DNM3: variants seen among roughly 807,000 people sequenced by gnomAD.
The protein encoded by DNM3 is dynamin 3.
Under a neutral mutation model 101.6 loss-of-function variants are expected in DNM3, and 47 were observed. The ratio of observed to expected loss-of-function variants is 0.46; its 90% CI spans 0.37 to 0.59. The LOEUF (loss-of-function observed/expected upper bound fraction) is 0.59, where lower values mean the gene tolerates loss of function less well. Ranked by LOEUF, DNM3 falls within the 20% of genes least tolerant of loss-of-function variation. The probability of loss-of-function intolerance (pLI) is 0.00; values close to 1 mark genes in which losing one functional copy is unlikely to be tolerated. For synonymous variants in DNM3, 385 were observed against 387.9 expected, an observed-to-expected ratio of 0.99 and a Z score of 0.09; for missense variants, 849 against 1,085.7, an observed-to-expected ratio of 0.78 and a Z score of 3.06.
chr1:172,230,144 G>A (rs2061279419), intron 14 of DNM3, among the ~76,000 whole-genome samples: 1 of 151,236 alleles, frequency 6.6e-6, no homozygotes, highest in Admixed American at 6.6e-5. Flanking sequence ...CCTATATTCT[G>A]AGAATTCTGT....
chr1:172,303,190 A>G (rs1039077798), intron 15 of DNM3, among the ~76,000 whole-genome samples: 1 of 152,140 alleles, frequency 6.6e-6, no homozygotes, highest in African/African-American at 2.4e-5. Flanking sequence ...ACCTTAAATG[A>G]CCTGATGGAG....
intron 13 of DNM3, among the ~76,000 whole-genome samples, chr1:172,097,015 A>C (rs540467069): frequency 1.9e-4 from 29 of 152,268 alleles, no homozygotes; most frequent in African/African-American, 6.5e-4. Context: ...CAGGGGGTTA[A>C]GTCATCCTCC....
At chr1:172,323,584 T>C (rs1573470128) in intron 17 of DNM3, among the ~76,000 whole-genome samples, 1 of 152,002 alleles carries the variant, frequency 6.6e-6, no homozygotes, top group Admixed American at 6.6e-5. Flanking sequence ...TTCAGAGAGG[T>C]TGACATTATA....
chr1:171,865,933 T>C (rs1053989072), intron 1 of DNM3, among the ~76,000 whole-genome samples: 2 of 152,210 alleles, frequency 1.3e-5, no homozygotes, highest in African/African-American at 2.4e-5. Flanking sequence ...CTTTTACTAA[T>C]AGATTCAGCA....
intron 17 of DNM3, among the ~76,000 whole-genome samples, chr1:172,377,094 T>C (rs1278056513): frequency 6.6e-6 from 1 of 152,070 alleles, no homozygotes; most frequent in East Asian, 1.9e-4. Context: ...TATTTATTTT[T>C]TATAACTATC....
chr1:171,916,258 G>A (rs2039702010), intron 1 of DNM3, among the ~76,000 whole-genome samples: 1 of 152,100 alleles, frequency 6.6e-6, no homozygotes, highest in Non-Finnish European at 1.5e-5. Flanking sequence ...TTGTGCCTCT[G>A]TTTTCTCATC....
intron 11 of DNM3, among the ~76,000 whole-genome samples, chr1:172,069,934 AG>A (rs776041245): frequency 1.3e-5 from 2 of 152,190 alleles, no homozygotes; most frequent in Non-Finnish European, 2.9e-5. Context: ...AAAAAACCAC[AG>A]GGAGAGACAC....
intron 14 of DNM3, among the ~76,000 whole-genome samples, chr1:172,239,220 ATG>A (rs2061653755): frequency 6.6e-6 from 1 of 152,156 alleles, no homozygotes; most frequent in African/African-American, 2.4e-5. Context: ...TTCATGTTCA[ATG>A]TGTGTTTCTC....
At chr1:171,920,650 G>A (rs544620997) in intron 1 of DNM3, among the ~76,000 whole-genome samples, 1 of 152,324 alleles carries the variant, frequency 6.6e-6, no homozygotes, top group East Asian at 1.9e-4. Flanking sequence ...TTTAAAAACT[G>A]TGCTATAGGT....
At chr1:172,009,150 T>A (rs1207917776) in intron 4 of DNM3, among the ~76,000 whole-genome samples, 12 of 139,934 alleles carry the variant, frequency 8.6e-5, no homozygotes, top group Non-Finnish European at 1.7e-4. Flanking sequence ...ATATATATTA[T>A]ATGATATATA....
intron 2 of DNM3, among the ~76,000 whole-genome samples, chr1:171,922,719 C>T (rs913955251): frequency 5.9e-5 from 9 of 152,194 alleles, no homozygotes; most frequent in African/African-American, 1.9e-4. Flanking sequence ...CCCACCACTC[C>T]AGCCTAGGCA....
At chr1:172,244,253 T>C (rs1279502394) in intron 14 of DNM3, among the ~76,000 whole-genome samples, 1 of 152,038 alleles carries the variant, frequency 6.6e-6, no homozygotes, top group Non-Finnish European at 1.5e-5. Context: ...ATTTTCTTAA[T>C]CCAGTCTATC....
At chr1:172,132,962 AC>A (rs1172531170) in intron 14 of DNM3, 2 of 1,539,566 alleles carry the variant, frequency 1.3e-6, no homozygotes, top group Non-Finnish European at 1.8e-6. Context: ...AGAAATTTGA[AC>A]CCAGGCTGTT....
In DNM3 at chr1:171,999,134, G is replaced by T. The variant is rs184360418; in HGVS notation, c.589+9986G>T. On this transcript the variant is annotated intron_variant, in intron 4 of 20. Transcript: ENST00000627582. Reference sequence around the variant, plus strand: ...CTGTGAGAAGAAAAGACTGAAGACGGGCATGAATGTAAGCAAGGAGACCAG... The same window carrying T: ...CTGTGAGAAGAAAAGACTGAAGACGTGCATGAATGTAAGCAAGGAGACCAG... Among the ~76,000 whole-genome samples, 65 of 152,166 alleles carry T rather than the reference G, an allele frequency of 4.3e-4. No individual in the cohort carries two copies. The South Asian group carries it at 6.2e-3, about 15-fold the overall frequency.
intron 9 of DNM3, among the ~76,000 whole-genome samples, chr1:172,046,282 A>G (rs1192513743): frequency 6.6e-6 from 1 of 152,182 alleles, no homozygotes; most frequent in Non-Finnish European, 1.5e-5. Context: ...GGAAACCATC[A>G]TTCTCAGTAA....
chr1:172,296,836 G>A (rs890253501), intron 15 of DNM3, among the ~76,000 whole-genome samples: 1 of 152,176 alleles, frequency 6.6e-6, no homozygotes, highest in Admixed American at 6.5e-5. Context: ...TGCAGTTAAT[G>A]TTAGCCTTTT....
chr1:171,952,590 T>C (rs1216058763), intron 2 of DNM3, among the ~76,000 whole-genome samples: 1 of 152,154 alleles, frequency 6.6e-6, no homozygotes, highest in African/African-American at 2.4e-5. Flanking sequence ...GGGATCCATT[T>C]CAATCGGTTG....
At chr1:171,995,172 C>A (rs916004168) in intron 4 of DNM3, among the ~76,000 whole-genome samples, 1 of 131,084 alleles carries the variant, frequency 7.6e-6, no homozygotes, top group Non-Finnish European at 1.5e-5. Context: ...ATGGCACAGT[C>A]TCGGCTCACT....
chr1:172,079,339 T>C (rs1310544262), intron 11 of DNM3, among the ~76,000 whole-genome samples: 1 of 152,092 alleles, frequency 6.6e-6, no homozygotes, highest in Non-Finnish European at 1.5e-5. Context: ...TTTTCTGTAA[T>C]CTTGTCTCTA....
Sources: gnomAD v4.1 joint callset for allele counts (sites outside exome capture counted in the v4.1 genomes callset) on GRCh38, gnomAD v4.1.1 for gene constraint, MANE v1.5 for transcripts, NCBI Gene and HGNC (gene_info 2026-07-23, HGNC 2026-07-21) for gene names.